ATRNL1: variants seen among roughly 807,000 people sequenced by gnomAD.
ATRNL1 encodes attractin like 1, also known as attractin-like protein 1.
In ATRNL1, 95 loss-of-function variants were observed where a neutral mutation model predicts 182.7. The observed-to-expected ratio is 0.52, with a 90% CI of 0.44 to 0.62. The LOEUF is 0.62. Ranked by LOEUF, ATRNL1 falls within the 20% of genes least tolerant of loss-of-function variation. ATRNL1 has a pLI of 0.00. For missense variants in ATRNL1, 1,471 were observed against 1,679.5 expected (o/e 0.88, Z 2.17); for synonymous variants, 576 against 568.3 (o/e 1.01, Z -0.19).
At chr10:115,104,482 C>G (rs1326147065) in intron 1 of ATRNL1, among the ~76,000 whole-genome samples, 1 of 152,110 alleles carries the variant, frequency 6.6e-6, no homozygotes, top group Non-Finnish European at 1.5e-5. Context: ...TATTTTCTTC[C>G]ATTCTGTGGA....
chr10:115,647,717 T>C (rs1859721094), intron 26 of ATRNL1, among the ~76,000 whole-genome samples: 1 of 152,176 alleles, frequency 6.6e-6, no homozygotes, highest in Non-Finnish European at 1.5e-5. Flanking sequence ...GTCAGATGAG[T>C]AGATTGTAAA....
At chr10:115,807,227 T>A (rs565578008) in intron 27 of ATRNL1, among the ~76,000 whole-genome samples, 1 of 152,050 alleles carries the variant, frequency 6.6e-6, no homozygotes, top group African/African-American at 2.4e-5. Flanking sequence ...GTGATTCTCA[T>A]ACCTCAGCCT....
intron 20 of ATRNL1, among the ~76,000 whole-genome samples, chr10:115,395,537 C>T (rs561982948): frequency 6.6e-6 from 1 of 151,680 alleles, no homozygotes; most frequent in East Asian, 1.9e-4. Context: ...CATATTATAC[C>T]TAATATAATG....
chr10:115,381,676 T>C (rs1858018472), intron 19 of ATRNL1, among the ~76,000 whole-genome samples: 2 of 152,056 alleles, frequency 1.3e-5, no homozygotes, highest in African/African-American at 4.8e-5. Flanking sequence ...CTTATTTTTT[T>C]GATGGTATCA....
At chr10:115,147,048 A>C (rs1846006437) in intron 5 of ATRNL1, among the ~76,000 whole-genome samples, 2 of 152,162 alleles carry the variant, frequency 1.3e-5, no homozygotes, top group South Asian at 4.1e-4. Flanking sequence ...AGGAGTTTCC[A>C]TACTGTTTAC....
chr10:115,888,187 T>G (rs782028172), intron 28 of ATRNL1, among the ~76,000 whole-genome samples: 9 of 152,198 alleles, frequency 5.9e-5, no homozygotes, highest in Non-Finnish European at 1.2e-4. Flanking sequence ...AGTGAACTTC[T>G]ATTGTTCCTT....
At chr10:115,543,755 AT>A (rs201798369) in intron 25 of ATRNL1, among the ~76,000 whole-genome samples, 2 of 152,090 alleles carry the variant, frequency 1.3e-5, no homozygotes, top group African/African-American at 2.4e-5. Flanking sequence ...AATAAGTTCC[AT>A]TTTTTTACAT....
intron 5 of ATRNL1, among the ~76,000 whole-genome samples, chr10:115,156,630 G>GT (rs1554882167): frequency 6.6e-6 from 1 of 151,960 alleles, no homozygotes; most frequent in African/African-American, 2.4e-5. Flanking sequence ...ATACTCTTTG[G>GT]TTTTTTAAAA....
intron 26 of ATRNL1, among the ~76,000 whole-genome samples, chr10:115,691,820 T>C (rs1946403985): frequency 6.6e-6 from 1 of 152,202 alleles, no homozygotes; most frequent in African/African-American, 2.4e-5. Flanking sequence ...AATTTTATTG[T>C]TTTTGCTATT....
At chr10:115,135,572 G>T (rs1564763806) in intron 5 of ATRNL1, among the ~76,000 whole-genome samples, 2 of 152,186 alleles carry the variant, frequency 1.3e-5, no homozygotes, top group African/African-American at 4.8e-5. Context: ...CATACTCATG[G>T]ATAGGAGGAA....
At chr10:115,781,930 C>T (rs548478854) in intron 27 of ATRNL1, among the ~76,000 whole-genome samples, 1 of 152,280 alleles carries the variant, frequency 6.6e-6, no homozygotes, top group Admixed American at 6.5e-5. Context: ...CTCTTACCCA[C>T]AATGTTTTTT....
At chr10:115,927,069 C>T (rs561720129) in intron 28 of ATRNL1, among the ~76,000 whole-genome samples, 4 of 152,144 alleles carry the variant, frequency 2.6e-5, no homozygotes, top group South Asian at 2.1e-4. Flanking sequence ...GTATCCACCA[C>T]GATCAAGTCA....
intron 27 of ATRNL1, among the ~76,000 whole-genome samples, chr10:115,736,087 AT>A (rs1479759221): frequency 3.6e-4 from 3 of 8,416 alleles, no homozygotes; most frequent in African/African-American, 4.1e-4. Context: ...GTCTTTGGTT[AT>A]TTCTAAGTTA....
chr10:115,177,330 A>T (rs941693526), intron 8 of ATRNL1, among the ~76,000 whole-genome samples: 1 of 152,166 alleles, frequency 6.6e-6, no homozygotes, highest in Non-Finnish European at 1.5e-5. Flanking sequence ...GATGGGTGGA[A>T]CCAGCTCTTT....
chr10:115,149,771 G>A (rs376389565), intron 5 of ATRNL1, among the ~76,000 whole-genome samples: 2 of 151,952 alleles, frequency 1.3e-5, no homozygotes, highest in African/African-American at 4.8e-5. Flanking sequence ...ATTCATCAGG[G>A]ATGTTGGCCT....
rs1160760278 is a variant in ATRNL1 at position 115,160,181 on chromosome 10, C to T, written c.971C>T (p.Thr324Ile). 1 of 1,611,822 alleles carries T rather than the reference C, an allele frequency of 6.2e-7. No individual in the cohort carries two copies. Among genetic ancestry groups the T allele is most frequent in the Middle Eastern group, 1.6e-4 (1 of 6,072 alleles). The change falls in exon 6 of 29, where the codon ACT becomes ATT. Residue 324 changes from threonine to isoleucine, a missense_variant. By Grantham distance (89) the Thr-to-Ile change is moderately conservative. Coordinates refer to ENST00000355044, the MANE Select transcript of ATRNL1 (RefSeq NM_207303.4). ...TTTATGTGGGTGATTGGTGGATATACTTTTAACTACAGTTCTTTTCAAATG... is the reference window on the plus strand; with the variant it reads ...TTTATGTGGGTGATTGGTGGATATATTTTTAACTACAGTTCTTTTCAAATG... ...GKFMWVIGGY[T>I]FNYSSFQMVL... is the part of the protein sequence containing the mutation.
intron 26 of ATRNL1, among the ~76,000 whole-genome samples, chr10:115,717,548 C>CTTTCTTTTT (rs1947291511): frequency 1.2e-5 from 1 of 84,350 alleles, no homozygotes; most frequent in Non-Finnish European, 2.2e-5. Flanking sequence ...CTGAAATGTT[C>CTTTCTTTTT]TTTTTTTTTT....
chr10:115,923,178 TCAA>T (rs1953119067), intron 28 of ATRNL1, among the ~76,000 whole-genome samples: 1 of 152,154 alleles, frequency 6.6e-6, no homozygotes, highest in Non-Finnish European at 1.5e-5. Context: ...AATTATTGTA[TCAA>T]CATCTTCATG....
intron 27 of ATRNL1, among the ~76,000 whole-genome samples, chr10:115,775,917 C>G (rs1196973993): frequency 1.4e-5 from 2 of 147,350 alleles, no homozygotes; most frequent in Non-Finnish European, 3.0e-5. Flanking sequence ...GAGATCGCAC[C>G]ATTGCACTCC....
Sources: allele counts gnomAD v4.1 joint callset (sites outside exome capture counted in the v4.1 genomes callset), GRCh38; gene constraint gnomAD v4.1.1; transcripts MANE v1.5; gene names NCBI Gene and HGNC (gene_info 2026-07-23, HGNC 2026-07-21).